The following SMAP1 variants were observed in gnomAD, a reference collection of about 807,000 sequenced individuals.
The protein encoded by SMAP1 is stromal membrane-associated protein 1.
Under a neutral mutation model 58.5 loss-of-function variants are expected in SMAP1, and 24 were observed. The observed-to-expected ratio is 0.41, with a 90% confidence interval of 0.30 to 0.58. The LOEUF is 0.58. SMAP1 is among the 20% of genes least tolerant of loss of function. The probability of loss-of-function intolerance (pLI) is 0.29; values close to 1 mark genes in which losing one functional copy is unlikely to be tolerated. For missense variants in SMAP1, 563 were observed against 566.3 expected, an observed-to-expected ratio of 0.99 and a Z score of 0.06; for synonymous variants, 216 against 196.6, an observed-to-expected ratio of 1.10 and a Z score of -0.82.
At position 70,860,240 on chromosome 6, in the gene SMAP1, C is replaced by T. The variant is rs1452932664; in HGVS notation, c.1310C>T (p.Thr437Ile). The T allele has an allele frequency of 1.9e-6, 3 of 1,613,520 alleles. No homozygotes were observed. The highest frequency in any genetic ancestry group is 1.1e-5 in the South Asian group (1 of 91,002). Reference sequence around the variant, plus strand: ...GCTGGCATGAGTATCAGTAGTGCAACCCCTACTGCAGGTTTTGGCCAGCCC... The same window carrying T: ...GCTGGCATGAGTATCAGTAGTGCAATCCCTACTGCAGGTTTTGGCCAGCCC... ...QMAGMSISSA[T>I]PTAGFGQPSS... is the part of the protein sequence containing the mutation. Residue 437 changes from threonine (T) to isoleucine (I), a missense_variant, in exon 11 of 11, where the codon ACC becomes ATC. Physicochemically the swap from Thr to Ile is moderately conservative, Grantham distance 89. Transcript: ENST00000370455.
intron 7 of SMAP1, among the ~76,000 whole-genome samples, chr6:70,839,079 C>T (rs1770707786): frequency 6.6e-6 from 1 of 152,036 alleles, no homozygotes; most frequent in South Asian, 2.1e-4. Flanking sequence ...CTTTCAGATA[C>T]TCCATTATTG....
chr6:70,704,881 A>G (rs1767773792), intron 1 of SMAP1, among the ~76,000 whole-genome samples: 1 of 152,166 alleles, frequency 6.6e-6, no homozygotes, highest in Admixed American at 6.5e-5. Flanking sequence ...GGAGACATTT[A>G]TTATTTTAGT....
intron 2 of SMAP1, among the ~76,000 whole-genome samples, chr6:70,741,112 C>G (rs1456697686): frequency 6.6e-6 from 1 of 152,160 alleles, no homozygotes; most frequent in Non-Finnish European, 1.5e-5. Flanking sequence ...CCATTCCACC[C>G]TTGGCCCCTC....
chr6:70,679,322 A>T (rs1766609338), intron 1 of SMAP1, among the ~76,000 whole-genome samples: 1 of 152,146 alleles, frequency 6.6e-6, no homozygotes, highest in Admixed American at 6.6e-5. Flanking sequence ...CCTGGCCAGA[A>T]TCTAGATTTT....
intron 1 of SMAP1, among the ~76,000 whole-genome samples, chr6:70,720,042 C>A (rs563040488): frequency 6.6e-6 from 1 of 152,280 alleles, no homozygotes; most frequent in African/African-American, 2.4e-5. Context: ...CCAAAAAGTC[C>A]ACAGTCCAAA....
At chr6:70,784,692 A>T (rs923770155) in intron 4 of SMAP1, among the ~76,000 whole-genome samples, 2 of 152,236 alleles carry the variant, frequency 1.3e-5, no homozygotes, top group Non-Finnish European at 2.9e-5. Flanking sequence ...AACAAAGATC[A>T]AAAGAGACAA....
chr6:70,789,453 C>T (rs915003967), intron 4 of SMAP1, among the ~76,000 whole-genome samples: 2 of 151,736 alleles, frequency 1.3e-5, no homozygotes, highest in African/African-American at 2.4e-5. Context: ...TACCCTTTTG[C>T]GTCTTTCTTC....
At chr6:70,691,183 TTCTC>T (rs910214048) in intron 1 of SMAP1, among the ~76,000 whole-genome samples, 6 of 152,206 alleles carry the variant, frequency 3.9e-5, no homozygotes, top group African/African-American at 1.4e-4. Context: ...AGTTTGTATT[TTCTC>T]TCTTTCTTCA....
intron 4 of SMAP1, among the ~76,000 whole-genome samples, chr6:70,787,856 T>C: frequency 6.7e-6 from 1 of 149,192 alleles, no homozygotes; most frequent in Non-Finnish European, 1.5e-5. Flanking sequence ...TTGTTGGGAC[T>C]GTACACTAGT....
At chr6:70,711,802 C>G (rs531163677) in intron 1 of SMAP1, among the ~76,000 whole-genome samples, 1 of 151,896 alleles carries the variant, frequency 6.6e-6, no homozygotes, top group Non-Finnish European at 1.5e-5. Context: ...TGCTGGGACC[C>G]GCACCTGGCC....
rs1768451692 is a variant in SMAP1, at chr6:70,720,045, A to C, written c.119-12333A>C. Reference sequence around the variant, plus strand: ...TTTCAGCATTAACCAAAAAGTCCACAGTCCAAATTCTCATCTGAGACAAGG... The same window carrying C: ...TTTCAGCATTAACCAAAAAGTCCACCGTCCAAATTCTCATCTGAGACAAGG... On this transcript the variant is annotated intron_variant, in intron 1 of 10. Transcript: ENST00000370455. 2.0e-5 allele frequency among the ~76,000 whole-genome samples: 3 copies of C among 152,206 alleles called. No homozygotes were observed. In the South Asian group the frequency reaches 6.2e-4, roughly 31 times the overall value.
intron 1 of SMAP1, 132 bp from the exon 2 acceptor site, chr6:70,732,246 G>C: frequency 1.1e-6 from 1 of 935,200 alleles, no homozygotes; most frequent in Non-Finnish European, 1.5e-6. Flanking sequence ...AGTACCATTT[G>C]AAAATTTGAG....
intron 1 of SMAP1, among the ~76,000 whole-genome samples, chr6:70,708,099 C>T (rs1582037355): frequency 6.6e-6 from 1 of 152,084 alleles, no homozygotes; most frequent in Non-Finnish European, 1.5e-5. Context: ...TAAATTTGTA[C>T]CCTTTGACCT....
intron 7 of SMAP1, among the ~76,000 whole-genome samples, chr6:70,848,587 T>C (rs1348248124): frequency 6.6e-6 from 1 of 152,184 alleles, no homozygotes; most frequent in Non-Finnish European, 1.5e-5. Context: ...AGGAAGTCTT[T>C]TCATTGCTCT....
intron 7 of SMAP1, among the ~76,000 whole-genome samples, chr6:70,838,840 CTT>C (rs1053177152): frequency 6.6e-6 from 1 of 152,110 alleles, no homozygotes; most frequent in Admixed American, 6.5e-5. Context: ...AATAATCTGA[CTT>C]TTGTATTTGA....
intron 1 of SMAP1, among the ~76,000 whole-genome samples, chr6:70,704,286 T>C (rs1767750941): frequency 6.6e-6 from 1 of 152,218 alleles, no homozygotes; most frequent in African/African-American, 2.4e-5. Context: ...TCTGTTCCAA[T>C]GAAAGCTTGA....
intron 4 of SMAP1, among the ~76,000 whole-genome samples, chr6:70,785,475 G>C: frequency 6.6e-6 from 1 of 152,096 alleles, no homozygotes; most frequent in Non-Finnish European, 1.5e-5. Context: ...AGGAAATAGA[G>C]ACACAAAAAA....
chr6:70,769,413 T>G (rs1767166336), intron 3 of SMAP1, among the ~76,000 whole-genome samples: 1 of 152,212 alleles, frequency 6.6e-6, no homozygotes, highest in African/African-American at 2.4e-5. Flanking sequence ...CACTCAGGAC[T>G]TGCTTTATGA....
rs549753367 is a variant in SMAP1 at position 70,729,699 on chromosome 6, T to G, written c.119-2679T>G. On this transcript the variant is annotated intron_variant, in intron 1 of 10. Coordinates refer to ENST00000370455, the MANE Select transcript of SMAP1 (RefSeq NM_001044305.3). ...TTCTCCTTTGCCACTGTATTTTCTA[T>G]GAGTAAGCCCTGTCAGTTCTTCCTG... 3.4e-4 allele frequency among the ~76,000 whole-genome samples: 52 copies of G among 152,284 alleles called. 1 individual carries two copies. In the South Asian group the frequency reaches 0.011, roughly 31 times the overall value.
Sources: allele counts gnomAD v4.1 joint callset (sites outside exome capture counted in the v4.1 genomes callset), GRCh38; gene constraint gnomAD v4.1.1; transcripts MANE v1.5; gene names NCBI Gene and HGNC (gene_info 2026-07-23, HGNC 2026-07-21).